The following LRP1 variants were observed in gnomAD, a reference collection of about 807,000 sequenced individuals.
LRP1 encodes the protein prolow-density lipoprotein receptor-related protein 1.
Under a neutral mutation model 541.5 loss-of-function variants are expected in LRP1, and 51 were observed. The observed-to-expected ratio is 0.09, with a 90% CI of 0.08 to 0.12. The LOEUF is 0.12. LRP1 is among the 10% of genes least tolerant of loss of function. The pLI is 1.00. For missense variants in LRP1, 3,878 were observed against 6,376.2 expected (o/e 0.61, Z 13.34); for synonymous variants, 2,219 against 2,470.8 (o/e 0.90, Z 3.02).
At chr12:57,145,148 G>C (rs2035376956) in intron 5 of LRP1, 48 bp downstream of exon 5, 1 of 1,613,390 alleles carries the variant, frequency 6.2e-7, no homozygotes, top group Admixed American at 1.7e-5. Flanking sequence ...CCCCCTCAAT[G>C]CTGTTCCCTG....
rs1471732406 is a variant in LRP1 at position 57,206,968 on chromosome 12, G to A, written c.11859+227G>A. Among the ~76,000 whole-genome samples, 3 of 152,200 alleles carry A rather than the reference G, an allele frequency of 2.0e-5. No homozygotes were observed. Among genetic ancestry groups the A allele is most frequent in the East Asian group, 3.9e-4 (2 of 5,194 alleles). ...TAAAAATACAAAAATTTGGCTGAGC[G>A]CGGTGGCTCATGCCTGTAATCCCAG... On this transcript the variant is annotated intron_variant, in intron 76 of 88. Coordinates refer to ENST00000243077, the MANE Select transcript of LRP1 (RefSeq NM_002332.3). The surrounding 1 kb of genome is among the most constrained non-coding windows in gnomAD (Gnocchi z 4.7).
Position 57,197,530 on chromosome 12 carries a change from A to C in LRP1, c.9163-15A>C. The C allele has an allele frequency of 6.2e-7, 1 of 1,611,474 alleles. No homozygotes were observed. On this transcript the variant is annotated splice_polypyrimidine_tract_variant and intron_variant, in intron 57 of 88. Transcript: ENST00000243077. This position sits in a 1 kb window ranked among gnomAD's most constrained non-coding sequence, Gnocchi z 4.5. ...CCACAACCGACTTCTGCTGTCCTTC[A>C]CTCCCCAAATCCAGGGCCTGAACAA...
chr12:57,185,322 C>T lies in LRP1; in HGVS notation c.6463+117C>T. On this transcript the variant is annotated intron_variant, in intron 40 of 88. Coordinates refer to ENST00000243077, the MANE Select transcript of LRP1 (RefSeq NM_002332.3). The surrounding 1 kb of genome is among the most constrained non-coding windows in gnomAD (Gnocchi z 4.9). The stretch of plus-strand genomic sequence containing the variant: ...GAGACAAGTTAGACCCATGGGGCAA[C>T]TTCCGATGGCCCGAGAGACCCAGGG... 6.9e-7 allele frequency: 1 copy of T among 1,451,436 alleles called. No individual in the cohort carries two copies. The highest frequency in any genetic ancestry group is 9.4e-7 in the Non-Finnish European group (1 of 1,067,908). 89.9% of individuals were successfully genotyped at this position (1,451,436 alleles called of 1,614,324 possible). A position where few individuals can be genotyped will look rare whatever the true frequency, so the allele number is the denominator to read the frequency against.
chr12:57,203,445 C>T lies in LRP1; in HGVS notation c.10875C>T (p.Cys3625=). The T allele has an allele frequency of 1.2e-6, 2 of 1,605,326 alleles. No individual in the cohort carries two copies. The highest frequency in any genetic ancestry group is 1.7e-6 in the Non-Finnish European group (2 of 1,176,034). ...MDQFQCKSGH[C]IPLRWRCDAD... ...AGTTCCAGTGCAAGAGCGGCCACTGCATCCCCCTGCGCTGGCGCTGTGACG... is the reference window on the plus strand; with the variant it reads ...AGTTCCAGTGCAAGAGCGGCCACTGTATCCCCCTGCGCTGGCGCTGTGACG... Residue 3625 remains cysteine (C), a synonymous_variant, in exon 70 of 89, where the codon TGC becomes TGT. Coordinates refer to ENST00000243077, the MANE Select transcript of LRP1 (RefSeq NM_002332.3).
Position 57,183,239 on chromosome 12 carries a change from G to A in LRP1, c.5663-140G>A, listed in dbSNP as rs2036202937. 2.1e-6 allele frequency: 2 copies of A among 963,922 alleles called. No homozygotes were observed. The highest frequency in any genetic ancestry group is 2.5e-5 in the Admixed American group (1 of 40,066). 59.7% of individuals were successfully genotyped at this position (963,922 alleles called of 1,614,324 possible). A position where few individuals can be genotyped will look rare whatever the true frequency, so the allele number is the denominator to read the frequency against. Reference sequence around the variant, plus strand: ...CCATGCTCTGGCCTCAGGCTAGGGTGTGTGTGCTGGGTGGAGGATAGGGAT... The same window carrying A: ...CCATGCTCTGGCCTCAGGCTAGGGTATGTGTGCTGGGTGGAGGATAGGGAT... On this transcript the variant is annotated intron_variant, in intron 34 of 88. Transcript: ENST00000243077. The surrounding 1 kb of genome is among the most constrained non-coding windows in gnomAD (Gnocchi z 6.1).
chr12:57,183,278 G>A lies in LRP1; in HGVS notation c.5663-101G>A. ...GAGGATAGGGATGATGGTGGGGGGG[G>A]ATGATATCAAAGGAGAAGCAGAGAA... is the stretch of plus-strand genomic sequence containing the variant. On this transcript the variant is annotated intron_variant, in intron 34 of 88. Transcript: ENST00000243077. The surrounding 1 kb of genome is among the most constrained non-coding windows in gnomAD (Gnocchi z 6.1). 7 of 1,262,394 alleles carry A rather than the reference G, an allele frequency of 5.5e-6. No individual in the cohort carries two copies. Among genetic ancestry groups the A allele is most frequent in the South Asian group, 1.4e-5 (1 of 73,556 alleles). The allele number at this position is 1,262,394 out of a possible 1,614,324, so 78.2% of individuals were successfully genotyped here.
chr12:57,141,446 T>C lies in LRP1; in HGVS notation c.263T>C (p.Met88Thr). 1 of 1,614,188 alleles carries C rather than the reference T, an allele frequency of 6.2e-7. No individual in the cohort carries two copies. Among genetic ancestry groups the C allele is most frequent in the South Asian group, 1.1e-5 (1 of 91,078 alleles). The stretch of plus-strand genomic sequence containing the variant: ...CTGGGTACTGAGCTGTGTGTTCCCA[T>C]GTCCCGCCTCTGCAATGGGGTCCAG... ...NCLGTELCVPMSRLCNGVQDC... is the reference protein window; with the variant it reads ...NCLGTELCVPTSRLCNGVQDC... Residue 88 changes from methionine to threonine, a missense_variant, in exon 3 of 89, where the codon ATG becomes ACG. By Grantham distance (81) the Met-to-Thr change is moderately conservative (BLOSUM62 -1). Around this residue, in one of 13 missense-constraint regions of LRP1, gnomAD observed 293 missense variants for 403.7 expected, o/e 0.73. Transcript: ENST00000243077.
rs185280440 is a variant in LRP1, at chr12:57,144,741, A to T, written c.449-231A>T. 183 of 559,556 alleles carry T rather than the reference A, an allele frequency of 3.3e-4. 1 individual carries two copies. The Admixed American group carries it at 5.6e-3, about 17-fold the overall frequency. The allele number at this position is 559,556 out of a possible 1,614,324, so 34.7% of individuals were successfully genotyped here. On this transcript the variant is annotated intron_variant, in intron 4 of 88. Transcript: ENST00000243077. ...ACCTGACCCATAGTAGGGACTCAATAAATCTTCCCTGCGTGGATGAGTGAT... is the reference window on the plus strand; with the variant it reads ...ACCTGACCCATAGTAGGGACTCAATTAATCTTCCCTGCGTGGATGAGTGAT...
Position 57,201,034 on chromosome 12 carries a change from A to G in LRP1, c.10226A>G (p.Asp3409Gly), listed in dbSNP as rs1311601504. Residue 3409 changes from aspartate to glycine, a missense_variant and splice_region_variant, in exon 65 of 89, where the codon GAC becomes GGC. Transcript: ENST00000243077. The surrounding 1 kb of genome is among the most constrained non-coding windows in gnomAD (Gnocchi z 6.4). The part of the protein sequence containing the change: ...CQDNSDEANC[D>G]IHVCLPSQFK... ...GAATCACCTCCTCCTCCCTCCACAG[A>G]CATCCACGTCTGCTTGCCCAGTCAG... is the stretch of plus-strand genomic sequence containing the variant. The G allele has an allele frequency of 6.2e-7, 1 of 1,613,890 alleles. No homozygotes were observed. The highest frequency in any genetic ancestry group is 2.2e-5 in the East Asian group (1 of 44,862).
At chr12:57,200,237 C>A (rs572802105) in intron 62 of LRP1, 1 of 638,718 alleles carries the variant, frequency 1.6e-6, no homozygotes. Flanking sequence ...AACCTTGACC[C>A]TCCTTGCCAT....
At chr12:57,188,182 G>T (rs1210789867) in intron 42 of LRP1, among the ~76,000 whole-genome samples, 1 of 152,170 alleles carries the variant, frequency 6.6e-6, no homozygotes. Context: ...CCCCTGGAGG[G>T]TTCACCCGCA....
intron 76 of LRP1, among the ~76,000 whole-genome samples, chr12:57,207,429 G>A (rs887645855): frequency 1.3e-5 from 2 of 152,064 alleles, no homozygotes; most frequent in South Asian, 2.1e-4. Flanking sequence ...GAACCCAGAA[G>A]GTGGAAGTTG....
chr12:57,179,607 C>A lies in LRP1; in HGVS notation c.4966+51C>A. On this transcript the variant is annotated intron_variant, in intron 29 of 88. Coordinates refer to ENST00000243077, the MANE Select transcript of LRP1 (RefSeq NM_002332.3). The surrounding 1 kb of genome is among the most constrained non-coding windows in gnomAD (Gnocchi z 6.8). ...CAGTGGACATGGGCACCTCCACCCG[C>A]CCCTTGCTCCCAACCCTGGTCTACT... 6.5e-7 allele frequency: 1 copy of A among 1,532,490 alleles called. No individual in the cohort carries two copies. Among genetic ancestry groups the A allele is most frequent in the Non-Finnish European group, 9.0e-7 (1 of 1,110,124 alleles). The allele number at this position is 1,532,490 out of a possible 1,614,324, so 94.9% of individuals were successfully genotyped here. A position where few individuals can be genotyped will look rare whatever the true frequency, so the allele number is the denominator to read the frequency against.
chr12:57,160,442 C>T (rs904279762), intron 12 of LRP1, among the ~76,000 whole-genome samples: 4 of 152,156 alleles, frequency 2.6e-5, no homozygotes, highest in South Asian at 4.1e-4. Flanking sequence ...GCCTGGAACT[C>T]CCAGATATTT....
Position 57,201,751 on chromosome 12 carries a change from A to G in LRP1, c.10469-29A>G. The G allele has an allele frequency of 6.2e-7, 1 of 1,612,408 alleles. No individual in the cohort carries two copies. The highest frequency in any genetic ancestry group is 1.3e-5 in the African/African-American group (1 of 74,876). ...CCGGCACACTCCTGGAAGGAGTCTCATCCTCACCCCATGCCCACCCGCTTG... is the reference window on the plus strand; with the variant it reads ...CCGGCACACTCCTGGAAGGAGTCTCGTCCTCACCCCATGCCCACCCGCTTG... On this transcript the variant is annotated intron_variant, in intron 66 of 88. Transcript: ENST00000243077. This position sits in a 1 kb window ranked among gnomAD's most constrained non-coding sequence, Gnocchi z 6.4.
At chr12:57,163,090 A>T in intron 15 of LRP1, 107 bp downstream of exon 15, 1 of 1,428,474 alleles carries the variant, frequency 7.0e-7, no homozygotes, top group Non-Finnish European at 9.3e-7. Context: ...TAAGGAGGCA[A>T]TGAGGGGCCC....
In LRP1 at chr12:57,197,368, A is replaced by C; in HGVS notation, c.9146A>C (p.Tyr3049Ser). The C allele has an allele frequency of 6.2e-7, 1 of 1,613,226 alleles. No homozygotes were observed. The highest frequency in any genetic ancestry group is 8.5e-7 in the Non-Finnish European group (1 of 1,179,420). Residue 3049 changes from tyrosine to serine, a missense_variant, in exon 57 of 89, where the codon TAC becomes TCC. Tyr to Ser is a moderately radical substitution (Grantham distance 144). Around this residue, in one of 13 missense-constraint regions of LRP1, gnomAD observed 1,100 missense variants for 1,827.4 expected, o/e 0.60. Coordinates refer to ENST00000243077, the MANE Select transcript of LRP1 (RefSeq NM_002332.3). The surrounding 1 kb of genome is among the most constrained non-coding windows in gnomAD (Gnocchi z 4.5). ...AAGCTCAACCTGGACGGGTCCAACTACACGTTACTTAAGCAGGTACCAAAC... is the reference window on the plus strand; with the variant it reads ...AAGCTCAACCTGGACGGGTCCAACTCCACGTTACTTAAGCAGGTACCAAAC... ...LRKLNLDGSN[Y>S]TLLKQGLNNA... is the part of the protein sequence containing the mutation.
At chr12:57,208,494 G>A in intron 77 of LRP1, 1 of 590,538 alleles carries the variant, frequency 1.7e-6, no homozygotes, top group Non-Finnish European at 3.0e-6. Context: ...AGCTCTGCCA[G>A]CGTCGGTGGC....
Position 57,161,007 on chromosome 12 carries a change from G to A in LRP1, c.2094G>A (p.Val698=). Residue 698 remains valine, a synonymous_variant, in exon 13 of 89, where the codon GTG becomes GTA. Transcript: ENST00000243077. The part of the protein sequence containing the change: ...HRDIFVTSKT[V]LWPNGLSLDI... ...ACATCTTTGTCACCTCCAAGACAGT[G>A]CTTTGGCCCAATGGGCTAAGCCTGG... The A allele has an allele frequency of 1.2e-6, 2 of 1,614,062 alleles. No individual in the cohort carries two copies. The highest frequency in any genetic ancestry group is 1.7e-6 in the Non-Finnish European group (2 of 1,180,026).
Sources: gnomAD v4.1 joint callset for allele counts (sites outside exome capture counted in the v4.1 genomes callset) on GRCh38, gnomAD v4.1.1 for gene constraint, gnomAD v4.1.1 regional missense constraint, Gnocchi (gnomAD v3.1) non-coding constraint, MANE v1.5 for transcripts, NCBI Gene and HGNC (gene_info 2026-07-23, HGNC 2026-07-21) for gene names.